Variants in OR3A1 observed in about 807,000 individuals in gnomAD.
OR3A1 encodes the protein olfactory receptor family 3 subfamily A member 1, also known as olfactory receptor 3A1.
For synonymous variants in OR3A1, 145 were observed against 160.0 expected, an observed-to-expected ratio of 0.91 and a Z score of 0.71; for missense variants, 402 against 393.8, an observed-to-expected ratio of 1.02 and a Z score of -0.18.
At chr17:3,293,137 A>G (rs2048890418) in intron 1 of OR3A1, among the ~76,000 whole-genome samples, 1 of 145,120 alleles carries the variant, frequency 6.9e-6, no homozygotes. Context: ...TAAGAGTTAA[A>G]TGAGTATAAT....
Position 3,292,078 on chromosome 17 carries a change from G to A in OR3A1, c.505C>T (p.Leu169Phe). The part of the protein sequence containing the change: ...ALTHTVAMST[L>F]NFCGPNVINH... ...ATCACATTGGGGCCACAGAAGTTGAGCGTGGACATGGCCACAGTGTGGGTC... is the reference window on the plus strand; with the variant it reads ...ATCACATTGGGGCCACAGAAGTTGAACGTGGACATGGCCACAGTGTGGGTC... The change falls in exon 2 of 2, where the codon CTC becomes TTC. Residue 169 changes from leucine to phenylalanine, a missense_variant. Physicochemically the swap from Leu to Phe is conservative, Grantham distance 22. Transcript: ENST00000323404. The A allele has an allele frequency of 6.2e-7, 1 of 1,614,214 alleles. No homozygotes were observed. The highest frequency in any genetic ancestry group is 8.5e-7 in the Non-Finnish European group (1 of 1,180,042).
At chr17:3,296,315 AT>A (rs1473016943) in intron 1 of OR3A1, among the ~76,000 whole-genome samples, 4 of 152,198 alleles carry the variant, frequency 2.6e-5, no homozygotes. Flanking sequence ...ACAGCAGCAC[AT>A]TTTAAAAAAT....
Position 3,291,739 on chromosome 17 carries a change from T to G in OR3A1, c.844A>C (p.Thr282Pro). Residue 282 changes from threonine to proline, a missense_variant, in exon 2 of 2, where the codon ACT (threonine) becomes CCT (proline). Coordinates refer to ENST00000323404, the MANE Select transcript of OR3A1 (RefSeq NM_002550.3). ...GGGTTCAGCATGGGATTGATGACAGTGTTGAAAATTCCAACAGCTTTATCC... is the reference window on the plus strand; with the variant it reads ...GGGTTCAGCATGGGATTGATGACAGGGTTGAAAATTCCAACAGCTTTATCC... ...DKDKAVGIFN[T>P]VINPMLNPII... is the part of the protein sequence containing the mutation. 6.2e-7 allele frequency: 1 copy of G among 1,613,800 alleles called. No homozygotes were observed. Among genetic ancestry groups the G allele is most frequent in the Non-Finnish European group, 8.5e-7 (1 of 1,179,682 alleles).
In OR3A1 at chr17:3,292,301, T is replaced by C. The variant is rs2048881563; in HGVS notation, c.282A>G (p.Ala94=). 13 of 1,614,110 alleles carry C rather than the reference T, an allele frequency of 8.1e-6. No individual in the cohort carries two copies. The highest frequency in any genetic ancestry group is 1.1e-5 in the Non-Finnish European group (13 of 1,180,012). The part of the protein sequence containing the change: ...MLSRLLSRKR[A]VPCGACLTQL... ...GGGTAAGGCAGGCCCCACAGGGAAC[T>C]GCACGCTTGCGGGACAGGAGACGAC... is the stretch of plus-strand genomic sequence containing the variant. The change falls in exon 2 of 2, where the codon GCA becomes GCG. Residue 94 remains alanine (A), a synonymous_variant. Coordinates refer to ENST00000323404, the MANE Select transcript of OR3A1 (RefSeq NM_002550.3).
rs746068550 is a variant in OR3A1 at position 3,292,465 on chromosome 17, C to A, written c.118G>T (p.Val40Phe). Residue 40 changes from valine to phenylalanine, a missense_variant, in exon 2 of 2, where the codon GTC (valine) becomes TTC (phenylalanine). Transcript: ENST00000323404. The stretch of plus-strand genomic sequence containing the variant: ...ATGCTGAGGTTGCCCCTGACCGTGA[C>A]CAGGTAGGCAAAGAGGAAGAGCACA... The part of the protein sequence containing the change: ...VFVLFLFAYL[V>F]TVRGNLSILA... The A allele has an allele frequency of 3.7e-6, 6 of 1,613,566 alleles. No individual in the cohort carries two copies. The highest frequency in any genetic ancestry group is 5.1e-6 in the Non-Finnish European group (6 of 1,179,908).
At chr17:3,292,627 C>T (rs750441856) in intron 1 of OR3A1, 39 bp from the exon 2 acceptor site, 4 of 1,464,210 alleles carry the variant, frequency 2.7e-6, no homozygotes, top group Non-Finnish European at 3.7e-6. Flanking sequence ...AATCACTCCT[C>T]CCAATAATTT....
At chr17:3,297,941 T>A (rs2048932838) in intron 1 of OR3A1, among the ~76,000 whole-genome samples, 1 of 151,850 alleles carries the variant, frequency 6.6e-6, no homozygotes, top group African/African-American at 2.4e-5. Flanking sequence ...GTGTCTCTTC[T>A]CCCTTTATCT....
rs779127412 is a variant in OR3A1, at chr17:3,292,133, C to T, written c.450G>A (p.Ala150=). 2.4e-5 allele frequency: 39 copies of T among 1,614,070 alleles called. No homozygotes were observed. The highest frequency in any genetic ancestry group is 3.2e-5 in the Non-Finnish European group (38 of 1,180,012). The change falls in exon 2 of 2, where the codon GCG becomes GCA. Residue 150 remains alanine, a synonymous_variant. Transcript: ENST00000323404. Reference sequence around the variant, plus strand: ...CGTTGGTGAAAGCACAAGCCCAGGACGCAGCCACCAACATCCTCTGGACTG... The same window carrying T: ...CGTTGGTGAAAGCACAAGCCCAGGATGCAGCCACCAACATCCTCTGGACTG... ...SQTVQRMLVA[A]SWACAFTNAL...
Position 3,291,860 on chromosome 17 carries a change from G to A in OR3A1, c.723C>T (p.Phe241=). The A allele has an allele frequency of 6.2e-7, 1 of 1,614,156 alleles. No individual in the cohort carries two copies. The highest frequency in any genetic ancestry group is 8.5e-7 in the Non-Finnish European group (1 of 1,179,964). ...IRSVEGRKKA[F]STCGSHLTVV... is the part of the protein sequence containing the mutation. ...CAGTGAGGTGGGAGCCACATGTGGA[G>A]AAGGCTTTCTTCCTGCCCTCTACAG... The change falls in exon 2 of 2, where the codon TTC becomes TTT. Residue 241 remains phenylalanine (F), a synonymous_variant. Coordinates refer to ENST00000323404, the MANE Select transcript of OR3A1 (RefSeq NM_002550.3).
intron 1 of OR3A1, among the ~76,000 whole-genome samples, chr17:3,295,474 A>C (rs2048911799): frequency 6.6e-6 from 1 of 152,120 alleles, no homozygotes; most frequent in Non-Finnish European, 1.5e-5. Context: ...AATCTTCTAA[A>C]ATATAAGAGG....
In OR3A1 at chr17:3,292,597, A is replaced by C; in HGVS notation, c.-6-9T>G. On this transcript the variant is annotated splice_polypyrimidine_tract_variant and intron_variant, in intron 1 of 1. Transcript: ENST00000323404. Reference sequence around the variant, plus strand: ...TCTGGCTGCATGAGTTCCTGCAAAGAAACATCCAGGGAGGAAAAGAATCAC... The same window carrying C: ...TCTGGCTGCATGAGTTCCTGCAAAGCAACATCCAGGGAGGAAAAGAATCAC... 6.3e-7 allele frequency: 1 copy of C among 1,578,720 alleles called. No individual in the cohort carries two copies.
At chr17:3,296,281 C>T (rs1241038596) in intron 1 of OR3A1, among the ~76,000 whole-genome samples, 1 of 151,800 alleles carries the variant, frequency 6.6e-6, no homozygotes, top group Admixed American at 6.6e-5. Flanking sequence ...AGAATATCTG[C>T]AGGAGAAGAA....
intron 1 of OR3A1, among the ~76,000 whole-genome samples, chr17:3,293,767 T>A (rs566759611): frequency 6.6e-6 from 1 of 152,302 alleles, no homozygotes; most frequent in East Asian, 1.9e-4. Context: ...CACGGAATAC[T>A]ATGCAGCCAT....
In OR3A1 at chr17:3,291,955, C is replaced by T. The variant is rs1325546011; in HGVS notation, c.628G>A (p.Ala210Thr). 1.1e-5 allele frequency: 17 copies of T among 1,614,164 alleles called. No homozygotes were observed. Among genetic ancestry groups the T allele is most frequent in the Non-Finnish European group, 1.4e-5 (17 of 1,180,030 alleles). ...LLLFAVGFIM[A>T]GTPMALIVIS... ...ACAATGAGAGCCATGGGGGTACCTG[C>T]CATTATAAAACCCACAGCAAAAAGC... The change falls in exon 2 of 2, where the codon GCA becomes ACA. Residue 210 changes from alanine to threonine, a missense_variant. Coordinates refer to ENST00000323404, the MANE Select transcript of OR3A1 (RefSeq NM_002550.3).
chr17:3,294,271 A>C (rs1188442236), intron 1 of OR3A1, among the ~76,000 whole-genome samples: 1 of 152,060 alleles, frequency 6.6e-6, no homozygotes. Context: ...AAGAAAGATA[A>C]GAAATATGAG....
intron 1 of OR3A1, among the ~76,000 whole-genome samples, chr17:3,293,262 G>GT (rs1466918724): frequency 1.3e-5 from 2 of 151,950 alleles, no homozygotes; most frequent in African/African-American, 4.8e-5. Flanking sequence ...ATAATCCTCT[G>GT]TGACCCTGAA....
rs747907772 is a variant in OR3A1, at chr17:3,292,551, A to G, written c.32T>C (p.Val11Ala). The stretch of plus-strand genomic sequence containing the variant: ...GCCCAGCAGGATGAACTCAGCAATG[A>G]CTGTTCCATTGGCCCCAGATTCTGG... The part of the protein sequence containing the change: MQPESGANGT[V>A]IAEFILLGLL... Residue 11 changes from valine (V) to alanine (A), a missense_variant, in exon 2 of 2, where the codon GTC (valine) becomes GCC (alanine). Val to Ala is a moderately conservative substitution (Grantham distance 64, BLOSUM62 0). Transcript: ENST00000323404. 1.9e-6 allele frequency: 3 copies of G among 1,612,434 alleles called. No individual in the cohort carries two copies. Among genetic ancestry groups the G allele is most frequent in the East Asian group, 4.5e-5 (2 of 44,854 alleles).
intron 1 of OR3A1, among the ~76,000 whole-genome samples, chr17:3,294,519 T>C (rs537863689): frequency 4.8e-4 from 73 of 152,300 alleles, no homozygotes; most frequent in African/African-American, 1.7e-3. Context: ...AGAACAATTA[T>C]TTAAAACTCA....
Position 3,292,142 on chromosome 17 carries a change from C to A in OR3A1, c.441G>T (p.Leu147Phe). The A allele has an allele frequency of 6.2e-6, 10 of 1,614,156 alleles. No homozygotes were observed. The highest frequency in any genetic ancestry group is 8.5e-6 in the Non-Finnish European group (10 of 1,180,024). Residue 147 changes from leucine (L) to phenylalanine (F), a missense_variant, in exon 2 of 2, where the codon TTG (leucine) becomes TTT (phenylalanine). Leu to Phe is a conservative substitution (Grantham distance 22). Transcript: ENST00000323404. ...TRMSQTVQRM[L>F]VAASWACAFT... ...AAGCACAAGCCCAGGACGCAGCCAC[C>A]AACATCCTCTGGACTGTCTGACTCA... is the stretch of plus-strand genomic sequence containing the variant.
Sources: gnomAD v4.1 joint callset for allele counts (sites outside exome capture counted in the v4.1 genomes callset) on GRCh38, gnomAD v4.1.1 for gene constraint, MANE v1.5 for transcripts, NCBI Gene and HGNC (gene_info 2026-07-23, HGNC 2026-07-21) for gene names.